Variants in EPC1 observed in about 807,000 individuals in gnomAD.
EPC1 encodes enhancer of polycomb homolog 1.
In EPC1, 12 loss-of-function variants were observed where a neutral mutation model predicts 98.4. That is an observed-to-expected ratio of 0.12 (90% CI 0.08 to 0.20). EPC1 has a LOEUF of 0.20. EPC1 is among the 10% of genes least tolerant of loss of function. The pLI is 1.00. For missense variants in EPC1, 729 were observed against 990.5 expected (o/e 0.74, Z 3.54); for synonymous variants, 357 against 363.9 (o/e 0.98, Z 0.21).
intron 10 of EPC1, chr10:32,283,739 T>C (rs1410146681): frequency 6.6e-6 from 1 of 152,236 alleles, no homozygotes; most frequent in African/African-American, 2.4e-5. Context: ...TTTATGTTAT[T>C]GGTAATTCTG....
chr10:32,299,961 T>C (rs1318581774), intron 2 of EPC1, among the ~76,000 whole-genome samples: 2 of 152,100 alleles, frequency 1.3e-5, no homozygotes, highest in Non-Finnish European at 1.5e-5. Flanking sequence ...TTGCCCAAGA[T>C]GGAGTGCAGT....
At chr10:32,344,315 TCA>T (rs756802912) in intron 1 of EPC1, among the ~76,000 whole-genome samples, 2 of 152,342 alleles carry the variant, frequency 1.3e-5, no homozygotes, top group Non-Finnish European at 2.9e-5. Context: ...TCCATTAGGT[TCA>T]GTGTCTATTC....
rs145509020 is a variant in EPC1, at chr10:32,370,395, G to A, written c.3+8096C>T. ...GGTTTAGTGGGTTGCTTCAATAGCC[G>A]TAAGCCTGTCTCTATAACTTAGCAA... On this transcript the variant is annotated intron_variant, in intron 1 of 13. Coordinates refer to the EPC1 transcript ENST00000375110. Among the ~76,000 whole-genome samples, 18 of 152,248 alleles carry A rather than the reference G, an allele frequency of 1.2e-4. No homozygotes were observed. The East Asian group carries it at 1.3e-3, about 11-fold the overall frequency.
intron 10 of EPC1, chr10:32,282,178 A>C (rs1836444337): frequency 1.3e-5 from 2 of 152,188 alleles, no homozygotes; most frequent in South Asian, 2.1e-4. Context: ...GCAAAATTTA[A>C]GGAGAAATTG....
At chr10:32,341,891 T>G (rs755907757) in intron 1 of EPC1, among the ~76,000 whole-genome samples, 3 of 152,236 alleles carry the variant, frequency 2.0e-5, no homozygotes, top group African/African-American at 4.8e-5. Context: ...ACCGATACTT[T>G]GAGAAATTGA....
chr10:32,372,773 GCA>G (rs1839785974), intron 1 of EPC1, among the ~76,000 whole-genome samples: 1 of 152,240 alleles, frequency 6.6e-6, no homozygotes, highest in Non-Finnish European at 1.5e-5. Flanking sequence ...TGTAATCCCA[GCA>G]CTTTGGCAGC....
chr10:32,315,899 C>A (rs1311299435), intron 1 of EPC1, among the ~76,000 whole-genome samples: 2 of 152,184 alleles, frequency 1.3e-5, no homozygotes, highest in Non-Finnish European at 2.9e-5. Flanking sequence ...AAATCTTACA[C>A]TTATTTCCCA....
chr10:32,306,394 A>C (rs1835877727), intron 1 of EPC1, among the ~76,000 whole-genome samples: 1 of 152,260 alleles, frequency 6.6e-6, no homozygotes, highest in African/African-American at 2.4e-5. Context: ...AAAGAAGGGC[A>C]GAGGTTATCT....
intron 1 of EPC1, among the ~76,000 whole-genome samples, chr10:32,324,072 A>G (rs1351376008): frequency 2.0e-5 from 3 of 151,972 alleles, no homozygotes; most frequent in Non-Finnish European, 2.9e-5. Context: ...AGTGGCTGGG[A>G]CTACAGGCGC....
intron 1 of EPC1, among the ~76,000 whole-genome samples, chr10:32,328,271 G>C (rs1159689549): frequency 1.3e-5 from 2 of 152,136 alleles, no homozygotes; most frequent in Non-Finnish European, 2.9e-5. Flanking sequence ...TGAATAAAAT[G>C]CTCTGAGGAA....
At chr10:32,304,524 A>G (rs1835758759) in intron 2 of EPC1, among the ~76,000 whole-genome samples, 1 of 152,226 alleles carries the variant, frequency 6.6e-6, no homozygotes, top group Admixed American at 6.5e-5. Flanking sequence ...GCACAAGTAG[A>G]CTAGTTAAAA....
At chr10:32,331,532 G>A (rs1209718617) in intron 1 of EPC1, among the ~76,000 whole-genome samples, 1 of 150,830 alleles carries the variant, frequency 6.6e-6, no homozygotes, top group African/African-American at 2.4e-5. Context: ...TACTTCAAAT[G>A]AAAAAAAAAT....
chr10:32,347,369 C>A, upstream of EPC1: 1 of 209,358 alleles, frequency 4.8e-6, no homozygotes, highest in Non-Finnish European at 8.6e-6. Context: ...GCGGACTGGG[C>A]GCTCGGACAC....
intron 1 of EPC1, among the ~76,000 whole-genome samples, chr10:32,306,855 C>CG (rs1180487004): frequency 6.0e-5 from 2 of 33,070 alleles, no homozygotes; most frequent in African/African-American, 1.0e-4. Context: ...TTATTAAATT[C>CG]AAACACACAC....
In EPC1 at chr10:32,341,331, C is replaced by CTGTGTGTG. The variant is rs150858943; in HGVS notation, c.153+5424_153+5431dup. On this transcript the variant is annotated intron_variant, in intron 1 of 13. Transcript: ENST00000319778. Reference sequence around the variant, plus strand: ...TGGACACATGTCTGTGTGTGTGTGTCTGTGTGTGTGTATAGATTCTATGTT... The same window carrying CTGTGTGTG: ...TGGACACATGTCTGTGTGTGTGTGTCTGTGTGTGTGTGTGTGTGTATAGATTCTATGTT... 7.0e-3 allele frequency among the ~76,000 whole-genome samples: 1,052 copies of CTGTGTGTG among 150,944 alleles called. 11 individuals carry two copies. Among genetic ancestry groups the CTGTGTGTG allele is most frequent in the African/African-American group, 0.023 (941 of 41,370 alleles).
Position 32,286,791 on chromosome 10 carries a change from C to G in EPC1, c.1294G>C (p.Gly432Arg). Residue 432 changes from glycine to arginine, a missense_variant, in exon 9 of 14, where the codon GGA becomes CGA. By Grantham distance (125) the Gly-to-Arg change is moderately radical. Around this residue, in one of 6 missense-constraint regions of EPC1, gnomAD observed 390 missense variants for 438.6 expected, o/e 0.89. Transcript: ENST00000319778. The part of the protein sequence containing the change: ...NWPWTSPKDG[G>R]LGDVRYRYCL... ...TATCTATATCGCACATCCCCTAATCCTCCATCTTTAGGACTAGTCCAAGGC... is the reference window on the plus strand; with the variant it reads ...TATCTATATCGCACATCCCCTAATCGTCCATCTTTAGGACTAGTCCAAGGC... The G allele has an allele frequency of 6.2e-7, 1 of 1,614,112 alleles. No individual in the cohort carries two copies. The highest frequency in any genetic ancestry group is 8.5e-7 in the Non-Finnish European group (1 of 1,180,000).
intron 1 of EPC1, among the ~76,000 whole-genome samples, chr10:32,371,626 C>A (rs565485308): frequency 1.8e-4 from 28 of 152,280 alleles, no homozygotes; most frequent in South Asian, 1.0e-3. Context: ...TGGCCAGGCG[C>A]GGTGGCTCAC....
intron 1 of EPC1, among the ~76,000 whole-genome samples, chr10:32,344,888 G>C (rs1024394865): frequency 2.9e-4 from 44 of 152,184 alleles, no homozygotes; most frequent in Non-Finnish European, 1.3e-4. Context: ...CTGACTTCAG[G>C]TTGTAACTCT....
At chr10:32,308,969 A>G (rs1485575159) in intron 1 of EPC1, among the ~76,000 whole-genome samples, 1 of 152,214 alleles carries the variant, frequency 6.6e-6, no homozygotes, top group Non-Finnish European at 1.5e-5. Context: ...GAATGAAAAC[A>G]TCTATCATTT....
Sources: allele counts gnomAD v4.1 joint callset (sites outside exome capture counted in the v4.1 genomes callset), GRCh38; gene constraint gnomAD v4.1.1; regional missense constraint gnomAD v4.1.1; transcripts MANE v1.5; gene names NCBI Gene and HGNC (gene_info 2026-07-23, HGNC 2026-07-21).